PRELID2: variants seen among roughly 807,000 people sequenced by gnomAD.
PRELID2 encodes PRELI domain-containing protein 2.
Under a neutral mutation model 28.4 loss-of-function variants are expected in PRELID2, and 25 were observed. The observed-to-expected ratio is 0.88, with a 90% CI of 0.64 to 1.23. The LOEUF (loss-of-function observed/expected upper bound fraction) is 1.23. PRELID2 is among the 50% of genes most tolerant of loss of function. The pLI is 0.00. For synonymous variants in PRELID2, 76 were observed against 71.6 expected, an observed-to-expected ratio of 1.06 and a Z score of -0.31; for missense variants, 201 against 214.4, an observed-to-expected ratio of 0.94 and a Z score of 0.39.
chr5:145,440,271 C>T, the PRELID2 span, among the ~76,000 whole-genome samples: 1 of 152,128 alleles, frequency 6.6e-6, no homozygotes, highest in Non-Finnish European at 1.5e-5. Flanking sequence ...CTTCCCCAAA[C>T]ATCTTGAACC....
chr5:145,828,182 T>C (rs942917352), intron 1 of PRELID2, among the ~76,000 whole-genome samples: 4 of 152,208 alleles, frequency 2.6e-5, no homozygotes, highest in African/African-American at 9.6e-5. Flanking sequence ...TGCCCTAGTT[T>C]CTTCATCTGT....
At chr5:145,526,592 T>C (rs929317950) in intron 1 of PRELID2, among the ~76,000 whole-genome samples, 1 of 152,108 alleles carries the variant, frequency 6.6e-6, no homozygotes, top group African/African-American at 2.4e-5. Context: ...ATTAGATGTC[T>C]AGATTTTATT....
At chr5:145,799,744 T>C (rs549344607) in intron 4 of PRELID2, among the ~76,000 whole-genome samples, 80 of 152,234 alleles carry the variant, frequency 5.3e-4, no homozygotes, top group Non-Finnish European at 8.7e-4. Context: ...GAAGACAAGA[T>C]TGCAAATGGC....
chr5:145,657,333 C>T (rs1168461700), intron 1 of PRELID2, among the ~76,000 whole-genome samples: 1 of 152,094 alleles, frequency 6.6e-6, no homozygotes, highest in East Asian at 1.9e-4. Context: ...AATAAATAGG[C>T]ATGCTCAGAT....
At chr5:145,569,778 A>C (rs1011503211) in intron 1 of PRELID2, among the ~76,000 whole-genome samples, 1 of 152,244 alleles carries the variant, frequency 6.6e-6, no homozygotes, top group African/African-American at 2.4e-5. Flanking sequence ...TGTGTGCCCG[A>C]CACTGTACTA....
At chr5:145,269,410 A>C in the PRELID2 span, among the ~76,000 whole-genome samples, 1 of 152,042 alleles carries the variant, frequency 6.6e-6, no homozygotes, top group Non-Finnish European at 1.5e-5. Flanking sequence ...AGTCTTTCCA[A>C]CTAAAGATAC....
At chr5:145,730,562 G>A (rs1181986388) in intron 1 of PRELID2, among the ~76,000 whole-genome samples, 1 of 152,136 alleles carries the variant, frequency 6.6e-6, no homozygotes, top group Admixed American at 6.5e-5. Context: ...AAGCAAGTTT[G>A]TTACCTGTGA....
chr5:145,623,951 C>T (rs1753809119), intron 1 of PRELID2, among the ~76,000 whole-genome samples: 1 of 152,158 alleles, frequency 6.6e-6, no homozygotes, highest in Admixed American at 6.5e-5. Flanking sequence ...GTTGCAAGTA[C>T]CAAGTTGTCG....
At chr5:145,746,245 G>C (rs1001666603) in intron 1 of PRELID2, among the ~76,000 whole-genome samples, 1 of 152,030 alleles carries the variant, frequency 6.6e-6, no homozygotes, top group Admixed American at 6.6e-5. Context: ...GTCAAGACCC[G>C]TCGGCGTGCT....
chr5:145,385,385 G>GA, the PRELID2 span, among the ~76,000 whole-genome samples: 2 of 152,054 alleles, frequency 1.3e-5, no homozygotes, highest in African/African-American at 4.8e-5. Flanking sequence ...TCCTTCCATA[G>GA]CATTTTGAAG....
chr5:145,588,777 T>G (rs1753187506), intron 1 of PRELID2, among the ~76,000 whole-genome samples: 3 of 152,026 alleles, frequency 2.0e-5, no homozygotes, highest in Non-Finnish European at 4.4e-5. Context: ...CATCCTCCCT[T>G]GGAAGGCAGC....
chr5:145,581,077 C>T (rs1753103522), intron 1 of PRELID2, among the ~76,000 whole-genome samples: 1 of 151,962 alleles, frequency 6.6e-6, no homozygotes, highest in South Asian at 2.1e-4. Flanking sequence ...GAGGAAAACA[C>T]CAGACTTTTG....
At chr5:145,685,381 T>C (rs184703858) in intron 1 of PRELID2, among the ~76,000 whole-genome samples, 108 of 152,302 alleles carry the variant, frequency 7.1e-4, no homozygotes, top group African/African-American at 2.3e-3. Flanking sequence ...CGCTAGGTCT[T>C]TGCAAATGTT....
At chr5:145,432,127 G>T in the PRELID2 span, among the ~76,000 whole-genome samples, 3 of 152,174 alleles carry the variant, frequency 2.0e-5, no homozygotes, top group East Asian at 3.9e-4. Flanking sequence ...GCTTGTAGTA[G>T]TAAAATGATT....
intron 1 of PRELID2, among the ~76,000 whole-genome samples, chr5:145,724,639 A>ATATATATATG (rs1756088903): frequency 6.4e-5 from 7 of 109,200 alleles, no homozygotes; most frequent in Non-Finnish European, 1.1e-4. Flanking sequence ...ATATATATAT[A>ATATATATATG]TATATATAAT....
chr5:145,701,965 T>G (rs981091624), intron 1 of PRELID2, among the ~76,000 whole-genome samples: 2 of 151,806 alleles, frequency 1.3e-5, no homozygotes, highest in Admixed American at 1.3e-4. Flanking sequence ...ACAGGAGAAA[T>G]GCTTAAACCT....
At chr5:145,490,156 A>G (rs759222344) in intron 1 of PRELID2, among the ~76,000 whole-genome samples, 1 of 152,220 alleles carries the variant, frequency 6.6e-6, no homozygotes, top group Non-Finnish European at 1.5e-5. Context: ...TGATTGATAA[A>G]TCAGCTTGTT....
At chr5:145,417,097 C>A in the PRELID2 span, among the ~76,000 whole-genome samples, 1 of 152,018 alleles carries the variant, frequency 6.6e-6, no homozygotes, top group Admixed American at 6.6e-5. Flanking sequence ...CACAGAAATA[C>A]AACCATTAGG....
At chr5:145,600,432 A>ATATATATAT (rs1339137784) in intron 1 of PRELID2, among the ~76,000 whole-genome samples, 8 of 127,600 alleles carry the variant, frequency 6.3e-5, no homozygotes, top group African/African-American at 3.3e-4. Context: ...AAAAAAAAAA[A>ATATATATAT]AAATATATAT....
Sources: allele counts gnomAD v4.1 joint callset (sites outside exome capture counted in the v4.1 genomes callset), GRCh38; gene constraint gnomAD v4.1.1; transcripts MANE v1.5; gene names NCBI Gene and HGNC (gene_info 2026-07-23, HGNC 2026-07-21).